The following MTR variants were observed in gnomAD, a reference collection of about 807,000 sequenced individuals.
MTR encodes methionine synthase.
MTR carries 84 observed loss-of-function variants against 154.8 expected under a neutral mutation model. The ratio of observed to expected loss-of-function variants is 0.54; its 90% CI spans 0.45 to 0.65. The LOEUF is 0.65. Ranked by LOEUF, MTR falls within the 30% of genes least tolerant of loss-of-function variation. The probability of loss-of-function intolerance (pLI) is 0.00; values close to 1 mark genes in which losing one functional copy is unlikely to be tolerated. For synonymous variants in MTR, 554 were observed against 553.9 expected, an observed-to-expected ratio of 1.00 and a Z score of 0.00; for missense variants, 1,275 against 1,570.2, an observed-to-expected ratio of 0.81 and a Z score of 3.18.
In MTR at chr1:236,833,092, A is replaced by G. The variant is rs115723393; in HGVS notation, c.1188+1014A>G. 2.9e-3 allele frequency among the ~76,000 whole-genome samples: 446 copies of G among 152,302 alleles called. 2 individuals are homozygous for G. Among genetic ancestry groups the G allele is most frequent in the Non-Finnish European group, 5.0e-3 (337 of 68,020 alleles). Reference sequence around the variant, plus strand: ...GTCATTCCGTCCTCTTCACTTAGGTATTAAACTGCCCTCCCATCCTGATCT... The same window carrying G: ...GTCATTCCGTCCTCTTCACTTAGGTGTTAAACTGCCCTCCCATCCTGATCT... On this transcript the variant is annotated intron_variant, in intron 13 of 32. Transcript: ENST00000366577.
At chr1:236,852,109 A>G (rs1663936285) in intron 16 of MTR, among the ~76,000 whole-genome samples, 1 of 152,144 alleles carries the variant, frequency 6.6e-6, no homozygotes, top group South Asian at 2.1e-4. Context: ...TGATACTGTC[A>G]TCGGTATGGT....
intron 22 of MTR, among the ~76,000 whole-genome samples, chr1:236,872,586 T>C: frequency 6.6e-6 from 1 of 152,160 alleles, no homozygotes; most frequent in East Asian, 1.9e-4. Flanking sequence ...CAACTCTGCC[T>C]CTAATTAGTT....
rs995355891 is a variant in MTR, at chr1:236,852,111, C to T, written c.1696-410C>T. 2.2e-4 allele frequency among the ~76,000 whole-genome samples: 34 copies of T among 152,142 alleles called. 1 individual carries two copies. Among genetic ancestry groups the T allele is most frequent in the Admixed American group, 2.0e-4 (3 of 15,276 alleles). ...GCCTGATGATGCTTGATACTGTCAT[C>T]GGTATGGTTGGAACTTCAATTTCCT... On this transcript the variant is annotated intron_variant, in intron 16 of 32. Coordinates refer to ENST00000366577, the MANE Select transcript of MTR (RefSeq NM_000254.3).
intron 23 of MTR, 118 bp downstream of exon 23, chr1:236,873,958 A>T: frequency 1.0e-6 from 1 of 997,204 alleles, no homozygotes; most frequent in Non-Finnish European, 1.6e-6. Flanking sequence ...TGGGACATAC[A>T]ATCAAGTGCC....
chr1:236,866,545 C>A (rs1053553385), intron 22 of MTR, among the ~76,000 whole-genome samples: 2 of 152,164 alleles, frequency 1.3e-5, no homozygotes, highest in African/African-American at 2.4e-5. Context: ...AGAAGAGTCA[C>A]ACACCTCGAC....
In MTR at chr1:236,901,156, G is replaced by T. The variant is rs41305971; in HGVS notation, c.*3512G>T. The T allele has an allele frequency of 6.5e-6, 1 of 152,718 alleles. No homozygotes were observed. The highest frequency in any genetic ancestry group is 1.5e-5 in the Non-Finnish European group (1 of 68,086). 9.5% of individuals were successfully genotyped at this position (152,718 alleles called of 1,614,324 possible). On this transcript the variant is annotated 3_prime_UTR_variant, in exon 33 of 33. Coordinates refer to ENST00000366577, the MANE Select transcript of MTR (RefSeq NM_000254.3). ...CCGAGAAAGCAATGAAGAGCGTTTCGAAGCATGCCAGCAGAACCCAATGCT... is the reference window on the plus strand; with the variant it reads ...CCGAGAAAGCAATGAAGAGCGTTTCTAAGCATGCCAGCAGAACCCAATGCT...
chr1:236,803,123 A>G (rs1172871068), intron 1 of MTR, among the ~76,000 whole-genome samples: 2 of 152,126 alleles, frequency 1.3e-5, no homozygotes, highest in Non-Finnish European at 2.9e-5. Context: ...AAGAGAGCAA[A>G]GTCTTGTATC....
rs1227536905 is a variant in MTR, at chr1:236,891,252, G to A, written c.3127G>A (p.Asp1043Asn). The A allele has an allele frequency of 5.6e-6, 9 of 1,613,984 alleles. No individual in the cohort carries two copies. In the East Asian group the frequency reaches 1.3e-4, roughly 24 times the overall value. The change falls in exon 29 of 33, where the codon GAC becomes AAC. Residue 1043 changes from aspartate (D) to asparagine (N), a missense_variant. Transcript: ENST00000366577. ...GFWPAQSIQDDIHLYAEAAVP... is the reference protein window; with the variant it reads ...GFWPAQSIQDNIHLYAEAAVP... ...CTGGCCAGCACAGAGTATCCAAGAC[G>A]ACATTCACCTGTACGCAGAGGCTGC...
chr1:236,878,399 C>T (rs1419130489), intron 24 of MTR, among the ~76,000 whole-genome samples: 1 of 152,102 alleles, frequency 6.6e-6, no homozygotes, highest in African/African-American at 2.4e-5. Context: ...TTCATGAAAA[C>T]ATCGCTGAGG....
intron 3 of MTR, among the ~76,000 whole-genome samples, chr1:236,807,730 A>G (rs1661066766): frequency 6.6e-6 from 1 of 152,134 alleles, no homozygotes; most frequent in Non-Finnish European, 1.5e-5. Context: ...TTTTCAGGTA[A>G]GCAGTGTTTT....
chr1:236,893,940 C>T (rs1407357397), intron 29 of MTR, among the ~76,000 whole-genome samples: 1 of 152,100 alleles, frequency 6.6e-6, no homozygotes, highest in Non-Finnish European at 1.5e-5. Flanking sequence ...GAGGCGCTTC[C>T]ATTTATTGGA....
At position 236,795,608 on chromosome 1, in the gene MTR, C is replaced by T. The variant is rs762741049; in HGVS notation, c.-96C>T. On this transcript the variant is annotated 5_prime_UTR_variant, in exon 1 of 33. Coordinates refer to ENST00000366577, the MANE Select transcript of MTR (RefSeq NM_000254.3). ...AGACCCGGGCCTTGTGTGGCAGGCT[C>T]GCCTGGCGCTGGCTGGCGTGGCCCT... 8 of 1,602,310 alleles carry T rather than the reference C, an allele frequency of 5.0e-6. No individual in the cohort carries two copies. The highest frequency in any genetic ancestry group is 5.9e-6 in the Non-Finnish European group (7 of 1,177,592).
rs1176037522 is a variant in MTR, at chr1:236,897,057, G to T, written c.3650G>T (p.Gly1217Val). 1 of 1,614,140 alleles carries T rather than the reference G, an allele frequency of 6.2e-7. No homozygotes were observed. Among genetic ancestry groups the T allele is most frequent in the Non-Finnish European group, 8.5e-7 (1 of 1,180,014 alleles). The change falls in exon 32 of 33, where the codon GGC becomes GTC. Residue 1217 changes from glycine (G) to valine (V), a missense_variant. Gly to Val is a moderately radical substitution (Grantham distance 109). Coordinates refer to ENST00000366577, the MANE Select transcript of MTR (RefSeq NM_000254.3). ...LAMAPASAVSGLYFSNLKSKY... is the reference protein window; with the variant it reads ...LAMAPASAVSVLYFSNLKSKY... The stretch of plus-strand genomic sequence containing the variant: ...ATGGCACCTGCTTCAGCAGTCTCAG[G>T]CCTCTACTTCTCCAATTTGAAGTCC...
At chr1:236,872,485 A>G (rs111388879) in intron 22 of MTR, among the ~76,000 whole-genome samples, 207 of 152,220 alleles carry the variant, frequency 1.4e-3, no homozygotes, top group Non-Finnish European at 2.4e-3. Context: ...TCCAAGTTCA[A>G]CAGGTGTTTA....
intron 29 of MTR, 128 bp from the exon 30 acceptor site, chr1:236,894,229 A>G: frequency 1.2e-6 from 1 of 833,856 alleles, no homozygotes. Context: ...AGTGCACAAT[A>G]CAGGCTGCCA....
rs57608445 is a variant in MTR at position 236,897,308 on chromosome 1, A to ATGCGCG, written c.3711+190_3711+191insTGCGCG. On this transcript the variant is annotated intron_variant, in intron 32 of 32. Transcript: ENST00000366577. ...TCACTTCTACATGCAAGCCACACAC[A>ATGCGCG]CGCACACACACACACACACACACAC... Among the ~76,000 whole-genome samples, 1,073 of 131,524 alleles carry ATGCGCG rather than the reference A, an allele frequency of 8.2e-3. 43 individuals carry two copies. In the South Asian group the frequency reaches 0.086, roughly 10 times the overall value. The allele number at this position is 131,524 out of a possible 152,430, so 86.3% of individuals were successfully genotyped here. A position where few individuals can be genotyped will look rare whatever the true frequency, so the allele number is the denominator to read the frequency against.
chr1:236,795,464 C>T lies in MTR; in HGVS notation c.-240C>T, dbSNP rs572516902. Reference sequence around the variant, plus strand: ...CGACACCAAGGACTGGCCGGGTACCCGGGAAGAAAGCACGTGCTCCAGCAG... The same window carrying T: ...CGACACCAAGGACTGGCCGGGTACCTGGGAAGAAAGCACGTGCTCCAGCAG... On this transcript the variant is annotated 5_prime_UTR_variant, in exon 1 of 33. Transcript: ENST00000366577. 6.7e-7 allele frequency: 1 copy of T among 1,503,514 alleles called. No individual in the cohort carries two copies. The highest frequency in any genetic ancestry group is 8.9e-7 in the Non-Finnish European group (1 of 1,125,704). The allele number at this position is 1,503,514 out of a possible 1,614,324, so 93.1% of individuals were successfully genotyped here.
At chr1:236,817,620 C>T (rs907956479) in intron 8 of MTR, among the ~76,000 whole-genome samples, 18 of 152,122 alleles carry the variant, frequency 1.2e-4, no homozygotes, top group African/African-American at 3.9e-4. Flanking sequence ...GGTTGTAACT[C>T]GCCCAAGGTG....
intron 5 of MTR, 46 bp downstream of exon 5, chr1:236,810,641 C>T (rs1415696061): frequency 6.8e-7 from 1 of 1,479,024 alleles, no homozygotes; most frequent in South Asian, 1.1e-5. Flanking sequence ...GAAGTACTCC[C>T]CAAGCTTCAG....
Sources: gnomAD v4.1 joint callset for allele counts (sites outside exome capture counted in the v4.1 genomes callset) on GRCh38, gnomAD v4.1.1 for gene constraint, MANE v1.5 for transcripts, NCBI Gene and HGNC (gene_info 2026-07-23, HGNC 2026-07-21) for gene names.